AMN: variants seen among roughly 807,000 people sequenced by gnomAD.
AMN encodes the protein amnion associated transmembrane protein, also known as protein amnionless.
A neutral mutation model predicts 49.1 loss-of-function variants in AMN; 40 were observed. The ratio of observed to expected loss-of-function variants is 0.81; its 90% CI spans 0.63 to 1.06. The LOEUF (loss-of-function observed/expected upper bound fraction) is 1.06, where lower values mean the gene tolerates loss of function less well. Ranked by LOEUF, AMN falls within the 50% of genes least tolerant of loss-of-function variation. AMN has a pLI of 0.00. For synonymous variants in AMN, 380 were observed against 313.3 expected (o/e 1.21, Z -2.25); for missense variants, 701 against 662.8 (o/e 1.06, Z -0.63).
In AMN at chr14:102,930,661, G is replaced by A. The variant is rs777560818; in HGVS notation, c.1343G>A (p.Gly448Glu). 310 of 1,595,034 alleles carry A rather than the reference G, an allele frequency of 1.9e-4. 1 individual carries two copies. Among genetic ancestry groups the A allele is most frequent in the Middle Eastern group, 1.4e-3 (8 of 5,722 alleles). Residue 448 changes from glycine (G) to glutamate (E), a missense_variant, in exon 12 of 12, where the codon GGG becomes GAG. Coordinates refer to ENST00000299155, the MANE Select transcript of AMN (RefSeq NM_030943.4). ...TACTTCGTCAACCCTCTGTTCGCCGGGGCCGAGGCCGAGGCCTGAGCGGCC... is the reference window on the plus strand; with the variant it reads ...TACTTCGTCAACCCTCTGTTCGCCGAGGCCGAGGCCGAGGCCTGAGCGGCC... ...HSYFVNPLFA[G>E]AEAEA
chr14:102,925,265 G>C (rs951716764), intron 3 of AMN, among the ~76,000 whole-genome samples: 1 of 152,228 alleles, frequency 6.6e-6, no homozygotes, highest in Non-Finnish European at 1.5e-5. Flanking sequence ...GTGTGCGGGT[G>C]GGGAGGATGG....
chr14:102,922,881 C>A, intron 1 of AMN, 150 bp downstream of exon 1: 1 of 1,120,204 alleles, frequency 8.9e-7, no homozygotes, highest in Non-Finnish European at 1.3e-6. Flanking sequence ...TCGGCCCTGC[C>A]TCCCTCGTCT....
At chr14:102,929,072 T>G (rs1408707542) in intron 5 of AMN, 49 bp from the exon 6 acceptor site, 1 of 1,597,212 alleles carries the variant, frequency 6.3e-7, no homozygotes, top group African/African-American at 1.3e-5. Flanking sequence ...AGCACTCAGG[T>G]GAAGTCTCTT....
rs1434825293 is a variant in AMN at position 102,930,025 on chromosome 14, G to A, written c.945G>A (p.Gly315=). The part of the protein sequence containing the change: ...TEIQVVLVEN[G]PETGGAGRLA... ...TCCAGGTGGTGCTGGTGGAGAATGG[G>A]CCCGAGACAGGCGGAGCGGGGCGGC... is the stretch of plus-strand genomic sequence containing the variant. Residue 315 remains glycine, a synonymous_variant, in exon 9 of 12, where the codon GGG becomes GGA. Coordinates refer to ENST00000299155, the MANE Select transcript of AMN (RefSeq NM_030943.4). 1.3e-6 allele frequency: 2 copies of A among 1,554,496 alleles called. No homozygotes were observed. The highest frequency in any genetic ancestry group is 1.7e-6 in the Non-Finnish European group (2 of 1,150,096).
At chr14:102,924,665 C>G (rs973461504) in intron 3 of AMN, among the ~76,000 whole-genome samples, 1 of 152,214 alleles carries the variant, frequency 6.6e-6, no homozygotes, top group Non-Finnish European at 1.5e-5. Context: ...TCTCAAACTG[C>G]TTCACACAAC....
chr14:102,929,050 A>T (rs1891264323), intron 5 of AMN, 71 bp from the exon 6 acceptor site: 1 of 1,596,514 alleles, frequency 6.3e-7, no homozygotes. Context: ...TGGTCTGCAC[A>T]CGTTGGGTCT....
Position 102,928,759 on chromosome 14 carries a change from C to A in AMN, c.297C>A (p.Gly99=), listed in dbSNP as rs552595670. The part of the protein sequence containing the change: ...DVGSHLDCGA[G]EPAVFRDSDR... The stretch of plus-strand genomic sequence containing the variant: ...GCTCAGGGATGTGCTCCGGCTCAGG[C>A]GAACCTGCCGTCTTCCGCGACTCTG... Residue 99 remains glycine, a splice_region_variant and synonymous_variant, in exon 5 of 12, where the codon GGC becomes GGA. Transcript: ENST00000299155. The A allele has an allele frequency of 8.1e-6, 13 of 1,607,148 alleles. No homozygotes were observed. In the South Asian group the frequency reaches 1.1e-4, roughly 14 times the overall value.
chr14:102,926,072 G>C (rs1038884014), intron 3 of AMN, among the ~76,000 whole-genome samples: 2 of 152,208 alleles, frequency 1.3e-5, no homozygotes, highest in Admixed American at 1.3e-4. Flanking sequence ...CCATCCCCCT[G>C]CCTTGGCTGG....
In AMN at chr14:102,930,401, C is replaced by T. The variant is rs1891316835; in HGVS notation, c.1170-5C>T. The T allele has an allele frequency of 1.3e-6, 2 of 1,515,766 alleles. No homozygotes were observed. The highest frequency in any genetic ancestry group is 1.2e-5 in the South Asian group (1 of 81,938). The allele number at this position is 1,515,766 out of a possible 1,614,324, so 93.9% of individuals were successfully genotyped here. A position where few individuals can be genotyped will look rare whatever the true frequency, so the allele number is the denominator to read the frequency against. The stretch of plus-strand genomic sequence containing the variant: ...GCTCACGCTGCGTCCCCGCTACGCC[C>T]TCAGGTGGAGGAGGCACGAGGCGGC... On this transcript the variant is annotated splice_region_variant and splice_polypyrimidine_tract_variant and intron_variant, in intron 10 of 11. Coordinates refer to ENST00000299155, the MANE Select transcript of AMN (RefSeq NM_030943.4).
At chr14:102,924,483 C>T (rs978618437) in intron 3 of AMN, among the ~76,000 whole-genome samples, 5 of 152,192 alleles carry the variant, frequency 3.3e-5, no homozygotes, top group East Asian at 1.9e-4. Flanking sequence ...ATTGTCACTG[C>T]GCCAGCGAGG....
chr14:102,923,372 T>C (rs1891106000), intron 1 of AMN: 4 of 385,992 alleles, frequency 1.0e-5, no homozygotes, highest in South Asian at 8.6e-5. Flanking sequence ...CCCATCCTCC[T>C]CCATGCCCCA....
intron 5 of AMN, 56 bp downstream of exon 5, chr14:102,929,031 C>T: frequency 6.3e-7 from 1 of 1,594,896 alleles, no homozygotes; most frequent in Non-Finnish European, 8.5e-7. Context: ...GGCCCGACCC[C>T]GCCCCTCCTG....
chr14:102,923,689 C>T, intron 1 of AMN, 22 bp from the exon 2 acceptor site: 1 of 1,590,320 alleles, frequency 6.3e-7, no homozygotes, highest in Non-Finnish European at 8.6e-7. Flanking sequence ...GCATCCCGGG[C>T]ACTCAGTCGC....
chr14:102,929,916 CT>C lies in AMN; in HGVS notation c.844-7del, dbSNP rs1444515070. On this transcript the variant is annotated splice_region_variant and splice_polypyrimidine_tract_variant and intron_variant, in intron 8 of 11. Coordinates refer to ENST00000299155, the MANE Select transcript of AMN (RefSeq NM_030943.4). Reference sequence around the variant, plus strand: ...GCTGAGTCAAACCAACCCCGTCCCCCTCCCCAGCCTCAGTACCACGGGCTGC... The same window carrying C: ...GCTGAGTCAAACCAACCCCGTCCCCCCCCCAGCCTCAGTACCACGGGCTGC... The C allele has an allele frequency of 6.4e-7, 1 of 1,554,394 alleles. No individual in the cohort carries two copies. Among genetic ancestry groups the C allele is most frequent in the South Asian group, 1.2e-5 (1 of 84,272 alleles).
chr14:102,923,886 C>T (rs1270354328), intron 2 of AMN, 49 bp from the exon 3 acceptor site: 1 of 1,612,904 alleles, frequency 6.2e-7, no homozygotes, highest in South Asian at 1.1e-5. Context: ...GACCGTGTGG[C>T]CCCGGTGGGG....
At chr14:102,929,405 C>T (rs1255145870) in intron 6 of AMN, 23 bp from the exon 7 acceptor site, 3 of 1,528,652 alleles carry the variant, frequency 2.0e-6, no homozygotes, top group African/African-American at 2.8e-5. Flanking sequence ...GCCCTCCGCG[C>T]TGACCACCGC....
intron 3 of AMN, among the ~76,000 whole-genome samples, chr14:102,926,288 G>T (rs1267137276): frequency 6.6e-6 from 1 of 152,210 alleles, no homozygotes; most frequent in Admixed American, 6.5e-5. Context: ...CTCCTGCTGT[G>T]TTTCTCTCCT....
chr14:102,922,819 G>T, intron 1 of AMN, 88 bp downstream of exon 1: 1 of 1,499,238 alleles, frequency 6.7e-7, no homozygotes, highest in Non-Finnish European at 9.0e-7. Context: ...GGAGGGTGAA[G>T]ATCTTCCGAG....
At chr14:102,928,391 C>G in intron 3 of AMN, 35 bp from the exon 4 acceptor site, 1 of 1,552,644 alleles carries the variant, frequency 6.4e-7, no homozygotes, top group Non-Finnish European at 8.7e-7. Flanking sequence ...GCCCGGACCC[C>G]CGCGTGGCGC....
Sources: allele counts gnomAD v4.1 joint callset (sites outside exome capture counted in the v4.1 genomes callset), GRCh38; gene constraint gnomAD v4.1.1; transcripts MANE v1.5; gene names NCBI Gene and HGNC (gene_info 2026-07-23, HGNC 2026-07-21).